The following STON2 variants were observed in gnomAD, a reference collection of about 807,000 sequenced individuals.
STON2 encodes stonin-2.
In STON2, 29 loss-of-function variants were observed where a neutral mutation model predicts 65.7. The ratio of observed to expected loss-of-function variants is 0.44; its 90% CI spans 0.33 to 0.60. The LOEUF (loss-of-function observed/expected upper bound fraction) is 0.60, where lower values mean the gene tolerates loss of function less well. Ranked by LOEUF, STON2 falls within the 20% of genes least tolerant of loss-of-function variation. The probability of loss-of-function intolerance (pLI) is 0.03; values close to 1 mark genes in which losing one functional copy is unlikely to be tolerated. For missense variants in STON2, 1,054 were observed against 1,118.1 expected, an observed-to-expected ratio of 0.94 and a Z score of 0.82; for synonymous variants, 404 against 414.2, an observed-to-expected ratio of 0.98 and a Z score of 0.30.
In STON2 at chr14:81,277,861, C is replaced by G. The variant is rs761408457; in HGVS notation, c.1621G>C (p.Glu541Gln). ...TCATCATAGTTTTGAAGCCGGGGTTCTGAAATCTCATGACAGATCTCCAGC... is the reference window on the plus strand; with the variant it reads ...TCATCATAGTTTTGAAGCCGGGGTTGTGAAATCTCATGACAGATCTCCAGC... ...FKLEICHEIS[E>Q]PRLQNYDENG... The change falls in exon 6 of 8, where the codon GAA (glutamate) becomes CAA (glutamine). Residue 541 changes from glutamate (E) to glutamine (Q), a missense_variant. By Grantham distance (29) the Glu-to-Gln change is conservative (BLOSUM62 2). Coordinates refer to ENST00000614646, the MANE Select transcript of STON2 (RefSeq NM_001394390.1). 3.7e-6 allele frequency: 6 copies of G among 1,614,206 alleles called. No individual in the cohort carries two copies. The highest frequency in any genetic ancestry group is 8.5e-7 in the Non-Finnish European group (1 of 1,180,046).
At chr14:81,423,067 T>C (rs191277750) in intron 2 of STON2, among the ~76,000 whole-genome samples, 65 of 152,188 alleles carry the variant, frequency 4.3e-4, no homozygotes, top group Admixed American at 2.9e-3. Flanking sequence ...ATTTCCAGCT[T>C]TCCAGCACTT....
At chr14:81,367,905 AAAG>A (rs1211293386) in intron 4 of STON2, among the ~76,000 whole-genome samples, 2 of 152,202 alleles carry the variant, frequency 1.3e-5, no homozygotes, top group African/African-American at 4.8e-5. Flanking sequence ...CTTAATTACT[AAAG>A]AATAGGGAGA....
intron 4 of STON2, among the ~76,000 whole-genome samples, chr14:81,349,161 C>G (rs1328298963): frequency 6.6e-6 from 1 of 151,852 alleles, no homozygotes; most frequent in Non-Finnish European, 1.5e-5. Flanking sequence ...GCAGAAACAC[C>G]CCACGGCATT....
At chr14:81,403,947 T>C (rs924924239), upstream of STON2, among the ~76,000 whole-genome samples, 3 of 152,208 alleles carry the variant, frequency 2.0e-5, no homozygotes, top group African/African-American at 7.2e-5. Context: ...TGAAATTATT[T>C]GCTAATGTCG....
In STON2 at chr14:81,264,064, C is replaced by G; in HGVS notation, c.*4350G>C. 1 of 985,424 alleles carries G rather than the reference C, an allele frequency of 1.0e-6. No homozygotes were observed. Among genetic ancestry groups the G allele is most frequent in the Non-Finnish European group, 1.2e-6 (1 of 829,944 alleles). The allele number at this position is 985,424 out of a possible 1,614,324, so 61.0% of individuals were successfully genotyped here. ...TGCACTCTATCAAATGCTTTCTTTTCCTACTGACCATTGAAATGGGCAAGG... is the reference window on the plus strand; with the variant it reads ...TGCACTCTATCAAATGCTTTCTTTTGCTACTGACCATTGAAATGGGCAAGG... On this transcript the variant is annotated 3_prime_UTR_variant, in exon 8 of 8. Transcript: ENST00000614646.
intron 4 of STON2, among the ~76,000 whole-genome samples, chr14:81,329,672 T>C (rs924647904): frequency 6.6e-6 from 1 of 152,116 alleles, no homozygotes; most frequent in Admixed American, 6.5e-5. Flanking sequence ...TTGCGGTAAT[T>C]TGTGACAGCA....
Position 81,261,823 on chromosome 14 carries a change from A to G in STON2, c.*6591T>C. ...ATAGATGATGCCAGTGGAACTTCCA[A>G]AGAAGCATTCCACCTGATCTTCACC... On this transcript the variant is annotated 3_prime_UTR_variant, in exon 8 of 8. Coordinates refer to ENST00000614646, the MANE Select transcript of STON2 (RefSeq NM_001394390.1). The G allele has an allele frequency of 6.5e-7, 1 of 1,531,938 alleles. No individual in the cohort carries two copies. The highest frequency in any genetic ancestry group is 1.2e-5 in the South Asian group (1 of 83,312). 94.9% of individuals were successfully genotyped at this position (1,531,938 alleles called of 1,614,324 possible). A position where few individuals can be genotyped will look rare whatever the true frequency, so the allele number is the denominator to read the frequency against.
intron 5 of STON2, among the ~76,000 whole-genome samples, chr14:81,304,534 C>A (rs1003577447): frequency 7.2e-5 from 11 of 152,056 alleles, no homozygotes; most frequent in African/African-American, 2.7e-4. Flanking sequence ...ACCAGCCTGG[C>A]CAACATGGTG....
chr14:81,399,274 T>C (rs1900483058), intron 1 of STON2, among the ~76,000 whole-genome samples: 1 of 152,224 alleles, frequency 6.6e-6, no homozygotes, highest in East Asian at 1.9e-4. Context: ...ATAATTTTGT[T>C]CATGGTATTA....
intron 4 of STON2, among the ~76,000 whole-genome samples, chr14:81,325,603 AT>A (rs1896977816): frequency 6.6e-6 from 1 of 152,186 alleles, no homozygotes; most frequent in Non-Finnish European, 1.5e-5. Flanking sequence ...TGGTTCAGAA[AT>A]GTTTATGTAT....
rs768042800 is a variant in STON2, at chr14:81,277,243, GT to G, written c.2238del (p.Leu747SerfsTer18). 1 of 1,614,200 alleles carries G rather than the reference GT, an allele frequency of 6.2e-7. No individual in the cohort carries two copies. The highest frequency in any genetic ancestry group is 1.1e-5 in the South Asian group (1 of 91,084). On this transcript the variant is annotated frameshift_variant, in exon 6 of 8. Coordinates refer to ENST00000614646, the MANE Select transcript of STON2 (RefSeq NM_001394390.1). LOFTEE classifies it high-confidence loss of function. ...TVFAEKTLPF[T>X]LRTATSVNGA... ...CCATTGACACTTGTGGCCGTCCTGAGTGTGAAAGGCAAGGTCTTCTCAGCAA... is the reference window on the plus strand; with the variant it reads ...CCATTGACACTTGTGGCCGTCCTGAGGTGAAAGGCAAGGTCTTCTCAGCAA...
intron 7 of STON2, chr14:81,270,467 C>T: frequency 6.8e-7 from 1 of 1,478,486 alleles, no homozygotes. Context: ...TTATTTTTTT[C>T]CAACCTTTCT....
At chr14:81,302,622 T>C (rs1896009841) in intron 5 of STON2, among the ~76,000 whole-genome samples, 1 of 152,240 alleles carries the variant, frequency 6.6e-6, no homozygotes, top group Admixed American at 6.5e-5. Context: ...CATATAAAGT[T>C]GATTGCATGA....
chr14:81,324,515 T>A (rs778351058), intron 4 of STON2, among the ~76,000 whole-genome samples: 3 of 152,202 alleles, frequency 2.0e-5, no homozygotes, highest in Non-Finnish European at 4.4e-5. Flanking sequence ...CGAGTTAGAG[T>A]GTTAACACTA....
chr14:81,418,429 T>C (rs1464508922), intron 2 of STON2, among the ~76,000 whole-genome samples: 1 of 152,162 alleles, frequency 6.6e-6, no homozygotes, highest in Non-Finnish European at 1.5e-5. Flanking sequence ...ACAGCCAAAC[T>C]GTATCAGAAA....
chr14:81,412,483 T>C (rs1368172039), intron 2 of STON2, among the ~76,000 whole-genome samples: 1 of 139,950 alleles, frequency 7.1e-6, no homozygotes, highest in African/African-American at 2.9e-5. Context: ...AATAAGCCAG[T>C]TACAAAACGA....
chr14:81,285,030 T>C (rs188999242), intron 5 of STON2, among the ~76,000 whole-genome samples: 269 of 152,338 alleles, frequency 1.8e-3, no homozygotes, highest in Non-Finnish European at 3.2e-3. Context: ...TACTACGCAC[T>C]GACAATGCAC....
At position 81,263,519 on chromosome 14, in the gene STON2, C is replaced by T. The variant is rs1413043446; in HGVS notation, c.*4895G>A. ...TGCCACTGCACTCTAGCCTGGGTGA[C>T]AGACTGAGACTCCGTCTCAAAAAAA... is the stretch of plus-strand genomic sequence containing the variant. On this transcript the variant is annotated 3_prime_UTR_variant, in exon 8 of 8. Coordinates refer to ENST00000614646, the MANE Select transcript of STON2 (RefSeq NM_001394390.1). 6.8e-5 allele frequency among the ~76,000 whole-genome samples: 8 copies of T among 117,396 alleles called. No homozygotes were observed. The highest frequency in any genetic ancestry group is 1.3e-4 in the Admixed American group (1 of 7,824). The allele number at this position is 117,396 out of a possible 152,430, so 77.0% of individuals were successfully genotyped here.
intron 4 of STON2, among the ~76,000 whole-genome samples, chr14:81,335,420 A>G (rs950184269): frequency 2.6e-5 from 4 of 152,346 alleles, no homozygotes; most frequent in Admixed American, 1.3e-4. Context: ...TGTCATTTCC[A>G]TCTAATGAAA....
Sources: gnomAD v4.1 joint callset for allele counts (sites outside exome capture counted in the v4.1 genomes callset) on GRCh38, gnomAD v4.1.1 for gene constraint, MANE v1.5 for transcripts, NCBI Gene and HGNC (gene_info 2026-07-23, HGNC 2026-07-21) for gene names.